THSD7B: variants seen among roughly 807,000 people sequenced by gnomAD.
THSD7B encodes thrombospondin type 1 domain containing 7B.
In THSD7B, 138 loss-of-function variants were observed where a neutral mutation model predicts 213.6. That is an observed-to-expected ratio of 0.65 (90% CI 0.56 to 0.74). The LOEUF is 0.74. THSD7B is among the 30% of genes least tolerant of loss of function. The pLI is 0.00. For synonymous variants in THSD7B, 742 were observed against 687.0 expected (o/e 1.08, Z -1.25); for missense variants, 1,931 against 1,991.5 (o/e 0.97, Z 0.58).
At chr2:137,607,511 C>T (rs1232292627) in intron 17 of THSD7B, among the ~76,000 whole-genome samples, 1 of 152,150 alleles carries the variant, frequency 6.6e-6, no homozygotes, top group Non-Finnish European at 1.5e-5. Context: ...TATAACTAGT[C>T]TGTAGTCCAT....
intron 27 of THSD7B, among the ~76,000 whole-genome samples, chr2:137,675,403 CATATAT>C (rs55940004): frequency 0.012 from 1,439 of 116,284 alleles, 11 homozygotes; most frequent in African/African-American, 0.037. Context: ...AAATGAATGC[CATATAT>C]ATATATATAT....
chr2:136,909,983 G>A (rs2105022167), intron 2 of THSD7B, among the ~76,000 whole-genome samples: 1 of 152,244 alleles, frequency 6.6e-6, no homozygotes, highest in South Asian at 2.1e-4. Flanking sequence ...ACAGGATCAG[G>A]TCTTCAGATA....
Position 137,344,382 on chromosome 2 carries a change from A to G in THSD7B, c.2501-61231A>G, listed in dbSNP as rs777526933. On this transcript the variant is annotated intron_variant, in intron 12 of 27. Coordinates refer to ENST00000409968, the MANE Select transcript of THSD7B (RefSeq NM_001316349.2). ...GAGAATAAGACAAACTTACCACCCA[A>G]TCATGGAAGCATCAGACTGTACAGG... Among the ~76,000 whole-genome samples the G allele has an allele frequency of 2.6e-5, 4 of 151,752 alleles. 1 individual carries two copies. Among genetic ancestry groups the G allele is most frequent in the Middle Eastern group, 6.3e-3 (2 of 316 alleles).
At chr2:136,811,552 C>T (rs1682377478) in intron 1 of THSD7B, among the ~76,000 whole-genome samples, 1 of 152,032 alleles carries the variant, frequency 6.6e-6, no homozygotes, top group East Asian at 1.9e-4. Context: ...TTTTCCTCAG[C>T]TCTCCTTTGG....
chr2:136,998,909 G>GACACAAACACACACACACACAC (rs1295053031), intron 2 of THSD7B, among the ~76,000 whole-genome samples: 2 of 129,986 alleles, frequency 1.5e-5, no homozygotes, highest in African/African-American at 5.6e-5. Flanking sequence ...ATACCCAACA[G>GACACAAACACACACACACACAC]ACACACACAC....
chr2:137,553,347 C>T (rs1558836700), intron 15 of THSD7B, among the ~76,000 whole-genome samples: 1 of 152,002 alleles, frequency 6.6e-6, no homozygotes, highest in Non-Finnish European at 1.5e-5. Flanking sequence ...GCCCTTGAAC[C>T]CTATGGCTCT....
At chr2:137,109,321 T>A (rs903927848) in intron 4 of THSD7B, among the ~76,000 whole-genome samples, 1 of 152,210 alleles carries the variant, frequency 6.6e-6, no homozygotes, top group Non-Finnish European at 1.5e-5. Flanking sequence ...ATCTATCCTC[T>A]GGCCCAGTGT....
chr2:136,842,059 A>T (rs910925788), intron 1 of THSD7B, among the ~76,000 whole-genome samples: 1 of 152,194 alleles, frequency 6.6e-6, no homozygotes, highest in African/African-American at 2.4e-5. Flanking sequence ...CTTTGTCTCC[A>T]TGACACTCTG....
intron 5 of THSD7B, among the ~76,000 whole-genome samples, chr2:137,152,708 CTGT>C (rs1679842115): frequency 6.6e-6 from 1 of 152,162 alleles, no homozygotes; most frequent in Admixed American, 6.6e-5. Context: ...TTTCATTTAA[CTGT>C]TGTCATAGTT....
intron 15 of THSD7B, among the ~76,000 whole-genome samples, chr2:137,504,105 T>C (rs566787062): frequency 6.6e-6 from 1 of 152,162 alleles, no homozygotes; most frequent in South Asian, 2.1e-4. Flanking sequence ...GATTGTCATC[T>C]TTATGTTCCT....
intron 15 of THSD7B, among the ~76,000 whole-genome samples, chr2:137,467,892 A>G (rs1688023742): frequency 6.6e-6 from 1 of 152,320 alleles, no homozygotes; most frequent in Admixed American, 6.5e-5. Context: ...CAGATAAGCA[A>G]TACATGCATA....
Position 137,556,418 on chromosome 2 carries a change from C to A in THSD7B, c.3139-6803C>A, listed in dbSNP as rs569588648. ...TTCTTAAAGAAAAGAATTTTCAACCCAGAATTTCATATCCAGCCAAACTAA... is the reference window on the plus strand; with the variant it reads ...TTCTTAAAGAAAAGAATTTTCAACCAAGAATTTCATATCCAGCCAAACTAA... On this transcript the variant is annotated intron_variant, in intron 15 of 27. Coordinates refer to ENST00000409968, the MANE Select transcript of THSD7B (RefSeq NM_001316349.2). Among the ~76,000 whole-genome samples, 36 of 152,202 alleles carry A rather than the reference C, an allele frequency of 2.4e-4. No individual in the cohort carries two copies. The East Asian group carries it at 7.0e-3, about 29-fold the overall frequency.
chr2:137,066,859 A>T (rs542394610), intron 3 of THSD7B, among the ~76,000 whole-genome samples: 1 of 152,138 alleles, frequency 6.6e-6, no homozygotes, highest in African/African-American at 2.4e-5. Context: ...TTCTACCCAT[A>T]GTTCTTGGAT....
At chr2:137,315,700 G>C (rs1291166858) in intron 12 of THSD7B, among the ~76,000 whole-genome samples, 2 of 151,862 alleles carry the variant, frequency 1.3e-5, no homozygotes, top group Admixed American at 6.6e-5. Context: ...TTTAATTACT[G>C]TGTTTAGATG....
chr2:136,805,122 A>T (rs1682259873), intron 1 of THSD7B, among the ~76,000 whole-genome samples: 1 of 152,202 alleles, frequency 6.6e-6, no homozygotes, highest in Admixed American at 6.5e-5. Context: ...AAGTGATTCC[A>T]TACAGTTCTT....
At chr2:137,023,708 A>C (rs191344626) in intron 2 of THSD7B, among the ~76,000 whole-genome samples, 1 of 152,292 alleles carries the variant, frequency 6.6e-6, no homozygotes, top group East Asian at 1.9e-4. Context: ...AGGAGTCCTC[A>C]GATAGAGTTA....
intron 15 of THSD7B, among the ~76,000 whole-genome samples, chr2:137,505,184 C>T (rs1303648948): frequency 1.3e-5 from 2 of 152,198 alleles, no homozygotes; most frequent in East Asian, 3.8e-4. Flanking sequence ...CTGCTGCAGT[C>T]ATCACAGGCT....
At chr2:137,278,029 G>T (rs548885318) in intron 12 of THSD7B, among the ~76,000 whole-genome samples, 1 of 152,206 alleles carries the variant, frequency 6.6e-6, no homozygotes, top group African/African-American at 2.4e-5. Flanking sequence ...GCAGAGGTGG[G>T]TGGAGATGCG....
intron 7 of THSD7B, among the ~76,000 whole-genome samples, chr2:137,172,000 A>C (rs1680262691): frequency 6.6e-6 from 1 of 152,250 alleles, no homozygotes; most frequent in South Asian, 2.1e-4. Flanking sequence ...AACTCCTGTG[A>C]ATATTAACAT....
Sources: allele counts gnomAD v4.1 joint callset (sites outside exome capture counted in the v4.1 genomes callset), GRCh38; gene constraint gnomAD v4.1.1; transcripts MANE v1.5; gene names NCBI Gene and HGNC (gene_info 2026-07-23, HGNC 2026-07-21).